PLPP4: variants seen among roughly 807,000 people sequenced by gnomAD.
PLPP4 encodes diacylglycerol pyrophosphate like 2.
Under a neutral mutation model 32.2 loss-of-function variants are expected in PLPP4, and 20 were observed. The ratio of observed to expected loss-of-function variants is 0.62; its 90% CI spans 0.44 to 0.90. The LOEUF (loss-of-function observed/expected upper bound fraction) is 0.90, where lower values mean the gene tolerates loss of function less well. Among genes scored for constraint, PLPP4 ranks in the 40% least tolerant of loss-of-function variants. The probability of loss-of-function intolerance (pLI) is 0.00; values close to 1 mark genes in which losing one functional copy is unlikely to be tolerated. For missense variants in PLPP4, 257 were observed against 353.1 expected, an observed-to-expected ratio of 0.73 and a Z score of 2.18; for synonymous variants, 127 against 133.0, an observed-to-expected ratio of 0.95 and a Z score of 0.31.
Position 120,503,927 on chromosome 10 carries a change from G to A in PLPP4, c.165+1G>A, listed in dbSNP as rs1296761680. 6 of 1,568,380 alleles carry A rather than the reference G, an allele frequency of 3.8e-6. No individual in the cohort carries two copies. Among genetic ancestry groups the A allele is most frequent in the Non-Finnish European group, 5.3e-6 (6 of 1,138,786 alleles). On this transcript the variant is annotated splice_donor_variant, in intron 2 of 6. Coordinates refer to ENST00000398250, the MANE Select transcript of PLPP4 (RefSeq NM_001030059.3). LOFTEE classifies it high-confidence loss of function. Reference sequence around the variant, plus strand: ...TAACATACCTACCCGCCTCATGTTTGTAAGTACCATGATTTCATTCCTTAT... The same window carrying A: ...TAACATACCTACCCGCCTCATGTTTATAAGTACCATGATTTCATTCCTTAT...
intron 6 of PLPP4, among the ~76,000 whole-genome samples, chr10:120,580,678 C>CACACACACAAAA (rs1554899936): frequency 1.5e-5 from 2 of 137,902 alleles, no homozygotes; most frequent in South Asian, 2.4e-4. Context: ...CACACACACA[C>CACACACACAAAA]ACGGCTGAGG....
At chr10:120,492,215 A>T (rs1844754029) in intron 1 of PLPP4, among the ~76,000 whole-genome samples, 1 of 152,192 alleles carries the variant, frequency 6.6e-6, no homozygotes, top group Non-Finnish European at 1.5e-5. Context: ...TACGTAGACC[A>T]GGATTTTCTG....
intron 6 of PLPP4, among the ~76,000 whole-genome samples, chr10:120,583,202 C>A (rs1162298097): frequency 2.0e-5 from 3 of 151,766 alleles, no homozygotes; most frequent in African/African-American, 7.3e-5. Flanking sequence ...GACCTGACAG[C>A]ACATCTTCAG....
chr10:120,491,253 G>A (rs938286258), intron 1 of PLPP4, among the ~76,000 whole-genome samples: 1 of 152,142 alleles, frequency 6.6e-6, no homozygotes, highest in Non-Finnish European at 1.5e-5. Flanking sequence ...GCCTCGTTCT[G>A]CCCCAAGTCA....
intron 1 of PLPP4, among the ~76,000 whole-genome samples, chr10:120,464,472 C>T (rs1223706428): frequency 6.6e-6 from 1 of 152,126 alleles, no homozygotes; most frequent in African/African-American, 2.4e-5. Flanking sequence ...GAATAAACTC[C>T]TGGAAGTGTA....
At chr10:120,539,355 G>C (rs912023762) in intron 5 of PLPP4, among the ~76,000 whole-genome samples, 12 of 152,136 alleles carry the variant, frequency 7.9e-5, no homozygotes, top group African/African-American at 2.7e-4. Flanking sequence ...TTTATAAGAG[G>C]GCTTAAAATG....
At chr10:120,560,474 A>G (rs1337000626) in intron 5 of PLPP4, among the ~76,000 whole-genome samples, 1 of 152,196 alleles carries the variant, frequency 6.6e-6, no homozygotes, top group African/African-American at 2.4e-5. Context: ...ATAATGGCAG[A>G]CTGGGCGCAG....
chr10:120,460,716 A>C (rs1848003810), intron 1 of PLPP4, among the ~76,000 whole-genome samples: 1 of 152,190 alleles, frequency 6.6e-6, no homozygotes, highest in African/African-American at 2.4e-5. Context: ...ACTCTCAATC[A>C]CTTTGCTTCA....
chr10:120,460,171 G>A (rs1193789656), intron 1 of PLPP4, among the ~76,000 whole-genome samples: 2 of 152,186 alleles, frequency 1.3e-5, no homozygotes, highest in African/African-American at 4.8e-5. Flanking sequence ...CAGGAACCCA[G>A]TGTTTAGGAA....
chr10:120,540,992 A>G (rs910367420), intron 5 of PLPP4, among the ~76,000 whole-genome samples: 2 of 152,222 alleles, frequency 1.3e-5, no homozygotes, highest in African/African-American at 4.8e-5. Context: ...TCTAAATACC[A>G]TGACCATTCA....
intron 5 of PLPP4, among the ~76,000 whole-genome samples, chr10:120,536,481 C>G (rs1847024193): frequency 6.6e-6 from 1 of 151,794 alleles, no homozygotes; most frequent in African/African-American, 2.4e-5. Flanking sequence ...AATTGGATAT[C>G]CACGTGCAAA....
intron 1 of PLPP4, among the ~76,000 whole-genome samples, chr10:120,459,664 G>A (rs1473143602): frequency 6.6e-6 from 1 of 152,208 alleles, no homozygotes; most frequent in African/African-American, 2.4e-5. Context: ...TTCAGCCAGT[G>A]TAGCTCAGCA....
intron 5 of PLPP4, among the ~76,000 whole-genome samples, chr10:120,550,741 A>T (rs1847859228): frequency 6.6e-6 from 1 of 152,044 alleles, no homozygotes; most frequent in Admixed American, 6.6e-5. Flanking sequence ...CATGCTATAT[A>T]TAAAACTTAT....
intron 1 of PLPP4, among the ~76,000 whole-genome samples, chr10:120,471,588 G>C (rs1848518630): frequency 6.6e-6 from 1 of 151,870 alleles, no homozygotes; most frequent in South Asian, 2.1e-4. Flanking sequence ...GTCTGCACAG[G>C]TTATCTTTTT....
At chr10:120,465,524 G>T (rs541841296) in intron 1 of PLPP4, among the ~76,000 whole-genome samples, 3 of 152,196 alleles carry the variant, frequency 2.0e-5, no homozygotes, top group Non-Finnish European at 4.4e-5. Context: ...ATTTAGGTTG[G>T]TTTCTAGAAA....
chr10:120,513,682 C>A (rs1192609897), intron 2 of PLPP4, among the ~76,000 whole-genome samples: 1 of 152,130 alleles, frequency 6.6e-6, no homozygotes, highest in Non-Finnish European at 1.5e-5. Flanking sequence ...TGGCTCTCAG[C>A]AATTACAAAT....
intron 5 of PLPP4, among the ~76,000 whole-genome samples, chr10:120,545,652 C>G (rs1847579642): frequency 6.6e-6 from 1 of 152,314 alleles, no homozygotes; most frequent in Admixed American, 6.5e-5. Context: ...TCTCGTCTCA[C>G]TCTGCCCTGG....
At chr10:120,473,494 G>A (rs1843754908) in intron 1 of PLPP4, among the ~76,000 whole-genome samples, 1 of 151,960 alleles carries the variant, frequency 6.6e-6, no homozygotes, top group African/African-American at 2.4e-5. Context: ...TTTCCACTGG[G>A]GTTCTTGTAG....
At chr10:120,490,832 AT>A (rs1272941029) in intron 1 of PLPP4, among the ~76,000 whole-genome samples, 2 of 152,180 alleles carry the variant, frequency 1.3e-5, no homozygotes, top group Non-Finnish European at 1.5e-5. Flanking sequence ...AGGAAGGAAA[AT>A]CTCAAAGACA....
Sources: allele counts gnomAD v4.1 joint callset (sites outside exome capture counted in the v4.1 genomes callset), GRCh38; gene constraint gnomAD v4.1.1; transcripts MANE v1.5; gene names NCBI Gene and HGNC (gene_info 2026-07-23, HGNC 2026-07-21).